DOP1B: variants seen among roughly 807,000 people sequenced by gnomAD.
DOP1B encodes the protein DOP1 leucine zipper like protein B.
DOP1B carries 174 observed loss-of-function variants against 233.5 expected under a neutral mutation model. The observed-to-expected ratio is 0.75, with a 90% CI of 0.66 to 0.85. DOP1B has a LOEUF of 0.85. Ranked by LOEUF, DOP1B falls within the 40% of genes least tolerant of loss-of-function variation. The pLI, the probability that DOP1B is intolerant of heterozygous loss-of-function variation, is 0.00. For missense variants in DOP1B, 2,652 were observed against 2,846.6 expected (o/e 0.93, Z 1.56); for synonymous variants, 1,190 against 1,185.6 (o/e 1.00, Z -0.08).
chr21:36,278,391 A>C (rs1464190445), intron 30 of DOP1B, 36 bp downstream of exon 30: 3 of 1,578,942 alleles, frequency 1.9e-6, no homozygotes, highest in East Asian at 2.2e-5. Flanking sequence ...CGTGCTCTGA[A>C]TCTTCAGGTG....
At chr21:36,171,343 C>T (rs1224000315) in intron 2 of DOP1B, among the ~76,000 whole-genome samples, 2 of 152,200 alleles carry the variant, frequency 1.3e-5, no homozygotes, top group African/African-American at 2.4e-5. Flanking sequence ...TGCCCAGTGT[C>T]TTATGGCAAC....
chr21:36,182,635 C>T (rs2066113751), intron 2 of DOP1B, among the ~76,000 whole-genome samples: 1 of 152,066 alleles, frequency 6.6e-6, no homozygotes, highest in Admixed American at 6.6e-5. Context: ...TTGAGACCAG[C>T]CTGAGCAACA....
intron 36 of DOP1B, 25 bp downstream of exon 36, chr21:36,292,258 T>TTC: frequency 2.8e-6 from 3 of 1,072,136 alleles, no homozygotes; most frequent in Non-Finnish European, 2.5e-6. Context: ...TTTCTTTTCT[T>TTC]TTTTTTTTTT....
At position 36,246,995 on chromosome 21, in the gene DOP1B, T is replaced by C. The variant is rs1002325980; in HGVS notation, c.4697+318T>C. Reference sequence around the variant, plus strand: ...CCCAGGTTCAAACAATTCTCCTGTCTCAGCCTCCCGAGTAGCTGGGATTAC... The same window carrying C: ...CCCAGGTTCAAACAATTCTCCTGTCCCAGCCTCCCGAGTAGCTGGGATTAC... On this transcript the variant is annotated intron_variant, in intron 19 of 36. Coordinates refer to ENST00000691173, the MANE Select transcript of DOP1B (RefSeq NM_001320714.2). This position sits in a 1 kb window ranked among gnomAD's most constrained non-coding sequence, Gnocchi z 5.1. Among the ~76,000 whole-genome samples the C allele has an allele frequency of 1.3e-5, 2 of 152,178 alleles. No individual in the cohort carries two copies. Among genetic ancestry groups the C allele is most frequent in the Non-Finnish European group, 2.9e-5 (2 of 68,036 alleles).
chr21:36,246,392 A>C lies in DOP1B; in HGVS notation c.4412A>C (p.Glu1471Ala). The C allele has an allele frequency of 6.2e-7, 1 of 1,613,368 alleles. No homozygotes were observed. The highest frequency in any genetic ancestry group is 1.1e-5 in the South Asian group (1 of 91,020). ...GAAAACCAGCCCGACCTGTCCCGGG[A>C]GTGGCAGAGAGCCCTGAACTTCCAG... ...EAENQPDLSR[E>A]WQRALNFQQA... Residue 1471 changes from glutamate (E) to alanine (A), a missense_variant, in exon 19 of 37, where the codon GAG becomes GCG. By Grantham distance (107) the Glu-to-Ala change is moderately radical. This residue lies in a region of DOP1B where 2,617 missense variants were observed against 2,794.3 expected (regional missense o/e 0.94). Transcript: ENST00000691173. The surrounding 1 kb of genome is among the most constrained non-coding windows in gnomAD (Gnocchi z 5.1).
intron 2 of DOP1B, among the ~76,000 whole-genome samples, chr21:36,167,067 A>T (rs1319329911): frequency 6.6e-6 from 1 of 152,188 alleles, no homozygotes; most frequent in African/African-American, 2.4e-5. Context: ...TTGCTTTTTG[A>T]GGGGAAAGGG....
intron 26 of DOP1B, among the ~76,000 whole-genome samples, chr21:36,267,581 G>A (rs1004409785): frequency 1.4e-4 from 20 of 147,790 alleles, no homozygotes; most frequent in South Asian, 2.2e-4. Context: ...CTACCTGGGA[G>A]CCTAAGGATG....
At chr21:36,273,945 G>T (rs2067320275) in intron 27 of DOP1B, among the ~76,000 whole-genome samples, 1 of 152,112 alleles carries the variant, frequency 6.6e-6, no homozygotes, top group South Asian at 2.1e-4. Flanking sequence ...GGGTGTGGTG[G>T]CAGGTACCTG....
intron 23 of DOP1B, among the ~76,000 whole-genome samples, chr21:36,259,228 G>T (rs1232966488): frequency 6.7e-6 from 1 of 148,974 alleles, no homozygotes; most frequent in Admixed American, 6.7e-5. Flanking sequence ...GCTTCCCAAA[G>T]TGCTGGGATT....
chr21:36,207,817 G>T (rs2066446272), intron 4 of DOP1B, among the ~76,000 whole-genome samples: 2 of 152,276 alleles, frequency 1.3e-5, no homozygotes, highest in South Asian at 4.1e-4. Flanking sequence ...ATATCCCTTA[G>T]GGGGAATGTG....
chr21:36,286,046 A>G (rs974549163), intron 32 of DOP1B, among the ~76,000 whole-genome samples: 2 of 151,434 alleles, frequency 1.3e-5, no homozygotes, highest in Non-Finnish European at 2.9e-5. Context: ...GAGAATTTCT[A>G]ACACTTCTCT....
At chr21:36,203,647 G>T (rs1009745190) in intron 4 of DOP1B, among the ~76,000 whole-genome samples, 8 of 152,102 alleles carry the variant, frequency 5.3e-5, no homozygotes, top group East Asian at 1.9e-4. Flanking sequence ...GGTGCAGTGG[G>T]GGGGGTCATG....
intron 2 of DOP1B, chr21:36,168,963 C>G: frequency 1.4e-6 from 1 of 702,644 alleles, no homozygotes; most frequent in Non-Finnish European, 2.6e-6. Context: ...AAAACCTGTT[C>G]CTGGCGTTAA....
intron 21 of DOP1B, among the ~76,000 whole-genome samples, chr21:36,250,089 G>C (rs771948646): frequency 6.6e-6 from 1 of 152,016 alleles, no homozygotes; most frequent in Admixed American, 6.6e-5. Context: ...GAGTAATTAC[G>C]ATAAAGGCCG....
intron 2 of DOP1B, among the ~76,000 whole-genome samples, chr21:36,190,195 C>T (rs1426872893): frequency 3.3e-5 from 5 of 150,868 alleles, no homozygotes; most frequent in Non-Finnish European, 7.4e-5. Flanking sequence ...CATGGTGGCA[C>T]ATGCCTGTAA....
At chr21:36,205,091 C>T (rs779862924) in intron 4 of DOP1B, among the ~76,000 whole-genome samples, 7 of 152,194 alleles carry the variant, frequency 4.6e-5, no homozygotes, top group Non-Finnish European at 1.0e-4. Context: ...TGCCCTGCCT[C>T]TTCAGTTTCA....
At chr21:36,266,926 T>C (rs1181336807) in intron 26 of DOP1B, among the ~76,000 whole-genome samples, 2 of 152,198 alleles carry the variant, frequency 1.3e-5, no homozygotes, top group East Asian at 3.8e-4. Flanking sequence ...CCCTAATCCC[T>C]TTTCCTGACT....
At chr21:36,262,012 A>C (rs2067177432) in intron 24 of DOP1B, 1 of 962,300 alleles carries the variant, frequency 1.0e-6, no homozygotes, top group Admixed American at 6.2e-5. Flanking sequence ...AATAACTCCA[A>C]CAACCAGGCA....
intron 1 of DOP1B, among the ~76,000 whole-genome samples, chr21:36,163,084 C>T (rs552852138): frequency 3.9e-5 from 6 of 152,118 alleles, no homozygotes; most frequent in Middle Eastern, 3.4e-3. Flanking sequence ...CGGTGGCTCA[C>T]GCCTGTAATC....
Sources: allele counts gnomAD v4.1 joint callset (sites outside exome capture counted in the v4.1 genomes callset), GRCh38; gene constraint gnomAD v4.1.1; regional missense constraint gnomAD v4.1.1; non-coding constraint Gnocchi (gnomAD v3.1); transcripts MANE v1.5; gene names NCBI Gene and HGNC (gene_info 2026-07-23, HGNC 2026-07-21).